ARID4B: variants seen among roughly 807,000 people sequenced by gnomAD.
ARID4B encodes the protein AT-rich interactive domain-containing protein 4B.
Under a neutral mutation model 147.5 loss-of-function variants are expected in ARID4B, and 26 were observed. The observed-to-expected ratio is 0.18, with a 90% CI of 0.13 to 0.24. The LOEUF (loss-of-function observed/expected upper bound fraction) is 0.24, where lower values mean the gene tolerates loss of function less well. Among genes scored for constraint, ARID4B ranks in the 10% least tolerant of loss-of-function variants. ARID4B has a pLI of 1.00. For synonymous variants in ARID4B, 512 were observed against 507.9 expected (o/e 1.01, Z -0.11); for missense variants, 1,179 against 1,511.5 (o/e 0.78, Z 3.65).
chr1:235,168,658 GA>G lies in ARID4B; in HGVS notation c.3812-7del. On this transcript the variant is annotated splice_region_variant and splice_polypyrimidine_tract_variant and intron_variant, in intron 23 of 23. Transcript: ENST00000264183. The stretch of plus-strand genomic sequence containing the variant: ...GGATGAGGATGTAGCAGCACCTAAG[GA>G]AAAGGGAGACCAAACCAAGAGCTTA... 6.2e-7 allele frequency: 1 copy of G among 1,610,952 alleles called. No homozygotes were observed. Among genetic ancestry groups the G allele is most frequent in the Non-Finnish European group, 8.5e-7 (1 of 1,178,256 alleles).
In ARID4B at chr1:235,240,422, C is replaced by A; in HGVS notation, c.476G>T (p.Ser159Ile). Residue 159 changes from serine (S) to isoleucine (I), a missense_variant, in exon 8 of 24, where the codon AGT (serine) becomes ATT (isoleucine). This residue lies in a region of ARID4B where 159 missense variants were observed against 190.5 expected (regional missense o/e 0.83). Transcript: ENST00000264183. Reference protein sequence around the residue: ...IPEEESSSSSSDEDEDDRKQI... With the variant: ...IPEEESSSSSIDEDEDDRKQI... The stretch of plus-strand genomic sequence containing the variant: ...TTTCCTATCATCCTCATCTTCATCA[C>A]TGGAGGATGATGAAGACTCTTCCTC... 1.9e-6 allele frequency: 3 copies of A among 1,612,928 alleles called. No homozygotes were observed. Among genetic ancestry groups the A allele is most frequent in the Non-Finnish European group, 2.5e-6 (3 of 1,179,168 alleles).
chr1:235,297,172 C>A (rs1672803041), intron 2 of ARID4B, among the ~76,000 whole-genome samples: 1 of 152,084 alleles, frequency 6.6e-6, no homozygotes, highest in Admixed American at 6.6e-5. Context: ...CAAAAGAACA[C>A]AGGAACCCAT....
At position 235,182,502 on chromosome 1, in the gene ARID4B, T is replaced by A; in HGVS notation, c.2417A>T (p.Asp806Val). Residue 806 changes from aspartate (D) to valine (V), a missense_variant, in exon 20 of 24, where the codon GAT becomes GTT. This residue lies in a region of ARID4B where 321 missense variants were observed against 342.4 expected (regional missense o/e 0.94). Coordinates refer to ENST00000264183, the MANE Select transcript of ARID4B (RefSeq NM_016374.6). Reference sequence around the variant, plus strand: ...TTTATCTGTTGTGTCCTTCTTGACATCCTTTCTCTTTTTTGTGACTTCATC... The same window carrying A: ...TTTATCTGTTGTGTCCTTCTTGACAACCTTTCTCTTTTTTGTGACTTCATC... ...EEDEVTKKRK[D>V]VKKDTTDKSS... The A allele has an allele frequency of 6.2e-7, 1 of 1,613,368 alleles. No individual in the cohort carries two copies. Among genetic ancestry groups the A allele is most frequent in the South Asian group, 1.1e-5 (1 of 90,838 alleles).
At position 235,266,227 on chromosome 1, in the gene ARID4B, A is replaced by G. The variant is rs187972289; in HGVS notation, c.7-5475T>C. 5.9e-5 allele frequency among the ~76,000 whole-genome samples: 9 copies of G among 152,264 alleles called. No individual in the cohort carries two copies. The East Asian group carries it at 1.7e-3, about 29-fold the overall frequency. ...TTTGAGGTTAATTTACTTTGGTCCAATTTAGAGACATAAAAAAGATTATGT... is the reference window on the plus strand; with the variant it reads ...TTTGAGGTTAATTTACTTTGGTCCAGTTTAGAGACATAAAAAAGATTATGT... On this transcript the variant is annotated intron_variant, in intron 2 of 23. Coordinates refer to ENST00000264183, the MANE Select transcript of ARID4B (RefSeq NM_016374.6).
At chr1:235,309,284 G>A (rs1324383023) in intron 2 of ARID4B, among the ~76,000 whole-genome samples, 3 of 137,482 alleles carry the variant, frequency 2.2e-5, no homozygotes, top group Non-Finnish European at 4.7e-5. Context: ...CCCGGCAGCC[G>A]CCCCATCTGA....
chr1:235,255,326 T>C (rs1669914389), intron 5 of ARID4B, among the ~76,000 whole-genome samples: 1 of 151,174 alleles, frequency 6.6e-6, no homozygotes, highest in Non-Finnish European at 1.5e-5. Context: ...ATTTCTATTA[T>C]AAAACAACAT....
Position 235,234,506 on chromosome 1 carries a change from G to A in ARID4B, c.586-14C>T. ...AGGACAAACCACCTTTTAAGAAAAA[G>A]GGTGAAGCTATTATAACTAAAAGAA... On this transcript the variant is annotated splice_polypyrimidine_tract_variant and intron_variant, in intron 8 of 23. Transcript: ENST00000264183. 1 of 1,565,444 alleles carries A rather than the reference G, an allele frequency of 6.4e-7. No individual in the cohort carries two copies. The highest frequency in any genetic ancestry group is 8.8e-7 in the Non-Finnish European group (1 of 1,141,420).
intron 8 of ARID4B, among the ~76,000 whole-genome samples, chr1:235,238,696 G>C (rs200544927): frequency 6.6e-6 from 1 of 152,008 alleles, no homozygotes; most frequent in Non-Finnish European, 1.5e-5. Flanking sequence ...TATTTACAAA[G>C]TATTTAAAAA....
chr1:235,224,693 A>G lies in ARID4B; in HGVS notation c.970+10T>C. The G allele has an allele frequency of 6.5e-7, 1 of 1,548,250 alleles. No individual in the cohort carries two copies. The highest frequency in any genetic ancestry group is 8.9e-7 in the Non-Finnish European group (1 of 1,127,446). ...ACTTACCACGTTAATGATAAATAAAAAATACTCACCTCTATCTTCCATAAA... is the reference window on the plus strand; with the variant it reads ...ACTTACCACGTTAATGATAAATAAAGAATACTCACCTCTATCTTCCATAAA... On this transcript the variant is annotated intron_variant, in intron 12 of 23. Coordinates refer to ENST00000264183, the MANE Select transcript of ARID4B (RefSeq NM_016374.6).
In ARID4B at chr1:235,182,491, C is replaced by T; in HGVS notation, c.2428G>A (p.Asp810Asn). The part of the protein sequence containing the change: ...VTKKRKDVKK[D>N]TTDKSSKPQI... Reference sequence around the variant, plus strand: ...GGTTTTGAAGATTTATCTGTTGTGTCCTTCTTGACATCCTTTCTCTTTTTT... The same window carrying T: ...GGTTTTGAAGATTTATCTGTTGTGTTCTTCTTGACATCCTTTCTCTTTTTT... Residue 810 changes from aspartate to asparagine, a missense_variant, in exon 20 of 24, where the codon GAC becomes AAC. By Grantham distance (23) the Asp-to-Asn change is conservative (BLOSUM62 1). Around this residue, in one of 10 missense-constraint regions of ARID4B, gnomAD observed 321 missense variants for 342.4 expected, o/e 0.94. Transcript: ENST00000264183. 1.2e-6 allele frequency: 2 copies of T among 1,613,530 alleles called. No homozygotes were observed. The highest frequency in any genetic ancestry group is 8.5e-7 in the Non-Finnish European group (1 of 1,179,892).
chr1:235,260,795 T>TC (rs1482788829), intron 2 of ARID4B, 43 bp from the exon 3 acceptor site: 1 of 1,384,182 alleles, frequency 7.2e-7, no homozygotes, highest in Non-Finnish European at 1.0e-6. Flanking sequence ...ACTCTCTAAT[T>TC]CTTTCCCATA....
intron 2 of ARID4B, among the ~76,000 whole-genome samples, chr1:235,317,256 A>G (rs968672345): frequency 1.3e-5 from 2 of 152,210 alleles, no homozygotes; most frequent in Middle Eastern, 3.2e-3. Flanking sequence ...ATAGATTAGC[A>G]GCAGATCAGT....
At chr1:235,214,596 A>C (rs971190954) in intron 16 of ARID4B, among the ~76,000 whole-genome samples, 1 of 152,190 alleles carries the variant, frequency 6.6e-6, no homozygotes, top group African/African-American at 2.4e-5. Flanking sequence ...TTCAAATGTT[A>C]TAATAACTGA....
intron 18 of ARID4B, among the ~76,000 whole-genome samples, chr1:235,194,712 G>A (rs1367441764): frequency 6.6e-5 from 10 of 152,104 alleles, no homozygotes; most frequent in African/African-American, 2.2e-4. Flanking sequence ...CCAGCTACTC[G>A]GGAGGCTGAG....
At chr1:235,265,310 G>A (rs1025440778) in intron 2 of ARID4B, among the ~76,000 whole-genome samples, 22 of 151,636 alleles carry the variant, frequency 1.5e-4, no homozygotes, top group African/African-American at 5.1e-4. Context: ...AGGTTGCAGT[G>A]AGTCAAGATT....
In ARID4B at chr1:235,252,302, G is replaced by A. The variant is rs1375415091; in HGVS notation, c.354+428C>T. Among the ~76,000 whole-genome samples the A allele has an allele frequency of 4.7e-4, 72 of 152,170 alleles. 1 individual carries two copies. The highest frequency in any genetic ancestry group is 4.6e-3 in the Admixed American group (71 of 15,270). On this transcript the variant is annotated intron_variant, in intron 6 of 23. Transcript: ENST00000264183. ...TAAGGAATGGAAGGGACAATTTTAG[G>A]AAGGGCAGTCAGGCAAGAGGAAAGG...
intron 21 of ARID4B, chr1:235,176,606 C>G: frequency 4.3e-6 from 1 of 235,070 alleles, no homozygotes; most frequent in Non-Finnish European, 9.1e-6. Context: ...CCCAGCTCCC[C>G]CACTGCTGCT....
intron 16 of ARID4B, 43 bp from the exon 17 acceptor site, chr1:235,214,069 C>G (rs760367866): frequency 6.4e-7 from 1 of 1,559,240 alleles, no homozygotes; most frequent in African/African-American, 1.4e-5. Flanking sequence ...AAAGACACTT[C>G]ATAAGTTTTT....
rs1358089376 is a variant in ARID4B, at chr1:235,302,086, G to A, written c.6+24828C>T. On this transcript the variant is annotated intron_variant, in intron 2 of 23. Transcript: ENST00000264183. ...TAGGCTCAAGTGATCCACCCACCTCGGCTTCCCAAAGTGCTGGTATTACAA... is the reference window on the plus strand; with the variant it reads ...TAGGCTCAAGTGATCCACCCACCTCAGCTTCCCAAAGTGCTGGTATTACAA... Among the ~76,000 whole-genome samples, 4 of 133,834 alleles carry A rather than the reference G, an allele frequency of 3.0e-5. 1 individual carries two copies. Among genetic ancestry groups the A allele is most frequent in the East Asian group, 4.3e-4 (2 of 4,692 alleles). 87.8% of individuals were successfully genotyped at this position (133,834 alleles called of 152,430 possible). A position where few individuals can be genotyped will look rare whatever the true frequency, so the allele number is the denominator to read the frequency against.
Sources: allele counts gnomAD v4.1 joint callset (sites outside exome capture counted in the v4.1 genomes callset), GRCh38; gene constraint gnomAD v4.1.1; regional missense constraint gnomAD v4.1.1; transcripts MANE v1.5; gene names NCBI Gene and HGNC (gene_info 2026-07-23, HGNC 2026-07-21).